Variants in THSD7B observed in about 807,000 individuals in gnomAD.
THSD7B encodes the protein thrombospondin type-1 domain-containing protein 7B.
In THSD7B, 138 loss-of-function variants were observed where a neutral mutation model predicts 213.6. That is an observed-to-expected ratio of 0.65 (90% CI 0.56 to 0.74). The LOEUF is 0.74. THSD7B is among the 30% of genes least tolerant of loss of function. THSD7B has a pLI of 0.00. For synonymous variants in THSD7B, 742 were observed against 687.0 expected, an observed-to-expected ratio of 1.08 and a Z score of -1.25; for missense variants, 1,931 against 1,991.5, an observed-to-expected ratio of 0.97 and a Z score of 0.58.
intron 2 of THSD7B, among the ~76,000 whole-genome samples, chr2:136,976,836 T>A (rs931601927): frequency 5.3e-5 from 8 of 152,058 alleles, no homozygotes; most frequent in Non-Finnish European, 1.0e-4. Context: ...TTAGCCAGGA[T>A]AGTCTCAATC....
At chr2:137,386,508 G>A (rs1170862911) in intron 12 of THSD7B, among the ~76,000 whole-genome samples, 1 of 152,136 alleles carries the variant, frequency 6.6e-6, no homozygotes, top group African/African-American at 2.4e-5. Flanking sequence ...CCCATTTCCT[G>A]AAAATTATGA....
At chr2:137,371,154 C>T (rs1340251734) in intron 12 of THSD7B, among the ~76,000 whole-genome samples, 1 of 152,046 alleles carries the variant, frequency 6.6e-6, no homozygotes, top group Non-Finnish European at 1.5e-5. Context: ...ATATTTAGTG[C>T]AGATCTGCCA....
intron 12 of THSD7B, among the ~76,000 whole-genome samples, chr2:137,380,085 G>A (rs917553438): frequency 5.3e-5 from 8 of 152,166 alleles, no homozygotes; most frequent in African/African-American, 1.9e-4. Flanking sequence ...CTGGTAGACA[G>A]TTTAGAGCAC....
At chr2:137,279,686 A>G (rs72617062) in intron 12 of THSD7B, among the ~76,000 whole-genome samples, 15,597 of 152,166 alleles carry the variant, frequency 0.1, 1,311 homozygotes, top group East Asian at 0.43. Context: ...TGCCTGTTTT[A>G]TACTGTATGA....
At chr2:137,597,940 C>T (rs538708559) in intron 17 of THSD7B, among the ~76,000 whole-genome samples, 1 of 152,072 alleles carries the variant, frequency 6.6e-6, no homozygotes, top group Non-Finnish European at 1.5e-5. Flanking sequence ...AAATATTTCT[C>T]AAAGAGTTCC....
At chr2:137,293,679 T>C (rs1390923517) in intron 12 of THSD7B, among the ~76,000 whole-genome samples, 2 of 152,074 alleles carry the variant, frequency 1.3e-5, no homozygotes, top group Non-Finnish European at 2.9e-5. Context: ...ACTCTGAAAT[T>C]TTCCCAATTT....
intron 7 of THSD7B, among the ~76,000 whole-genome samples, chr2:137,178,383 C>T (rs1680397643): frequency 6.6e-6 from 1 of 152,034 alleles, no homozygotes; most frequent in South Asian, 2.1e-4. Flanking sequence ...GTGTCAGTGT[C>T]CTTACCTAAG....
At chr2:137,651,174 T>C (rs1385101612) in intron 21 of THSD7B, among the ~76,000 whole-genome samples, 1 of 152,132 alleles carries the variant, frequency 6.6e-6, no homozygotes, top group East Asian at 1.9e-4. Flanking sequence ...AAATGTTTGG[T>C]AGAATTCATT....
intron 5 of THSD7B, among the ~76,000 whole-genome samples, chr2:137,137,762 T>G (rs1488028544): frequency 6.6e-6 from 1 of 152,222 alleles, no homozygotes; most frequent in Non-Finnish European, 1.5e-5. Flanking sequence ...GGATTTTTAC[T>G]GAATTTCATC....
At chr2:137,073,844 C>G (rs1687555813) in intron 3 of THSD7B, among the ~76,000 whole-genome samples, 1 of 152,088 alleles carries the variant, frequency 6.6e-6, no homozygotes, top group African/African-American at 2.4e-5. Flanking sequence ...CGTTATTTAC[C>G]CAGTAGTCAT....
At chr2:137,011,621 C>T (rs1686232172) in intron 2 of THSD7B, among the ~76,000 whole-genome samples, 1 of 152,194 alleles carries the variant, frequency 6.6e-6, no homozygotes, top group Non-Finnish European at 1.5e-5. Context: ...CTCCATCTTT[C>T]CAACTCTGGT....
At chr2:137,378,708 G>A (rs1160995516) in intron 12 of THSD7B, among the ~76,000 whole-genome samples, 4 of 152,092 alleles carry the variant, frequency 2.6e-5, no homozygotes, top group Non-Finnish European at 1.5e-5. Context: ...ACTTGGCTAG[G>A]AAGTTAATTT....
intron 17 of THSD7B, among the ~76,000 whole-genome samples, chr2:137,578,230 A>C (rs1681501855): frequency 6.6e-6 from 1 of 152,188 alleles, no homozygotes; most frequent in African/African-American, 2.4e-5. Flanking sequence ...CAGGAAGTTG[A>C]AATTTGAGAC....
chr2:137,213,251 C>A (rs568197346), intron 7 of THSD7B, among the ~76,000 whole-genome samples: 5 of 150,884 alleles, frequency 3.3e-5, no homozygotes, highest in African/African-American at 1.2e-4. Context: ...AGGTAGGTAT[C>A]TGACACATAT....
chr2:137,189,126 C>G (rs35865743), intron 7 of THSD7B, among the ~76,000 whole-genome samples: 70,024 of 151,918 alleles, frequency 0.46, 18,911 homozygotes, highest in East Asian at 0.87. Flanking sequence ...ATCTTCCTTC[C>G]TTCATTTTCC....
At chr2:136,812,967 G>A (rs1050814371) in intron 1 of THSD7B, among the ~76,000 whole-genome samples, 5 of 152,094 alleles carry the variant, frequency 3.3e-5, no homozygotes, top group Non-Finnish European at 7.4e-5. Context: ...TACATCTGGT[G>A]ATACAAATGA....
intron 26 of THSD7B, among the ~76,000 whole-genome samples, chr2:137,666,603 CA>C (rs1476697002): frequency 1.6e-4 from 23 of 144,790 alleles, no homozygotes; most frequent in Admixed American, 7.1e-5. Flanking sequence ...TAGTTAATTA[CA>C]TTCGTGTAGT....
At chr2:136,933,676 T>C (rs1000103812) in intron 2 of THSD7B, among the ~76,000 whole-genome samples, 1 of 126,454 alleles carries the variant, frequency 7.9e-6, no homozygotes, top group Non-Finnish European at 1.9e-5. Flanking sequence ...TCGCTATCTT[T>C]TTAATAATCA....
chr2:137,500,820 T>C (rs1679686015), intron 15 of THSD7B, among the ~76,000 whole-genome samples: 1 of 152,210 alleles, frequency 6.6e-6, no homozygotes, highest in Admixed American at 6.5e-5. Context: ...ATGTATCCAC[T>C]CAGGTCAGTC....
Sources: gnomAD v4.1 joint callset for allele counts (sites outside exome capture counted in the v4.1 genomes callset) on GRCh38, gnomAD v4.1.1 for gene constraint, MANE v1.5 for transcripts, NCBI Gene and HGNC (gene_info 2026-07-23, HGNC 2026-07-21) for gene names.